TMPRSS4: variants seen among roughly 807,000 people sequenced by gnomAD.
The protein encoded by TMPRSS4 is transmembrane protease serine 4.
TMPRSS4 carries 45 observed loss-of-function variants against 56.4 expected under a neutral mutation model. That is an observed-to-expected ratio of 0.80 (90% CI 0.63 to 1.02). TMPRSS4 has a LOEUF of 1.02. Ranked by LOEUF, TMPRSS4 falls within the 50% of genes least tolerant of loss-of-function variation. The pLI is 0.00. For synonymous variants in TMPRSS4, 205 were observed against 211.0 expected, an observed-to-expected ratio of 0.97 and a Z score of 0.25; for missense variants, 546 against 556.7, an observed-to-expected ratio of 0.98 and a Z score of 0.19.
chr11:118,079,504 T>G (rs1944964226), intron 1 of TMPRSS4, among the ~76,000 whole-genome samples: 1 of 152,216 alleles, frequency 6.6e-6, no homozygotes, highest in Admixed American at 6.5e-5. Context: ...TGTCCCATGC[T>G]AACTACTCCA....
At chr11:118,105,084 A>AACACAC (rs113661712) in intron 5 of TMPRSS4, among the ~76,000 whole-genome samples, 8 of 151,642 alleles carry the variant, frequency 5.3e-5, no homozygotes, top group African/African-American at 1.9e-4. Context: ...GCTGCCCTCC[A>AACACAC]ACACACACAC....
chr11:118,084,030 T>G (rs1022651321), intron 1 of TMPRSS4, among the ~76,000 whole-genome samples: 4 of 152,104 alleles, frequency 2.6e-5, no homozygotes, highest in Non-Finnish European at 5.9e-5. Flanking sequence ...AGAGCGAGAC[T>G]CCATCTCAAA....
intron 1 of TMPRSS4, among the ~76,000 whole-genome samples, chr11:118,083,286 C>A (rs1306265238): frequency 2.0e-5 from 3 of 152,244 alleles, no homozygotes; most frequent in Non-Finnish European, 2.9e-5. Flanking sequence ...GACGGCCACA[C>A]ACACTTGAAG....
intron 2 of TMPRSS4, among the ~76,000 whole-genome samples, chr11:118,096,695 A>C (rs772977212): frequency 2.6e-5 from 4 of 151,688 alleles, no homozygotes; most frequent in Non-Finnish European, 4.4e-5. Flanking sequence ...ATAAGGTAAA[A>C]GGATGGCTTG....
At chr11:118,085,044 A>G (rs10892208) in intron 1 of TMPRSS4, among the ~76,000 whole-genome samples, 53,414 of 151,932 alleles carry the variant, frequency 0.35, 9,895 homozygotes, top group South Asian at 0.52. Flanking sequence ...GGGGGCTTGC[A>G]AAGGTGCTGA....
rs116229795 is a variant in TMPRSS4, at chr11:118,101,280, T to A, written c.158-1821T>A. Among the ~76,000 whole-genome samples, 1,245 of 152,262 alleles carry A rather than the reference T, an allele frequency of 8.2e-3. 24 individuals carry two copies. The highest frequency in any genetic ancestry group is 0.028 in the African/African-American group (1,177 of 41,540). On this transcript the variant is annotated intron_variant, in intron 3 of 12. Transcript: ENST00000437212. ...TGTCAGGATTACGTGAGGAAATGTA[T>A]GGAAAGCTCCTGACACGGTGACAAG...
rs2135444030 is a variant in TMPRSS4, at chr11:118,111,833, A to G, written c.676A>G (p.Lys226Glu). The G allele has an allele frequency of 1.2e-6, 2 of 1,607,620 alleles. No homozygotes were observed. The highest frequency in any genetic ancestry group is 1.7e-6 in the Non-Finnish European group (2 of 1,177,352). The change falls in exon 8 of 13, where the codon AAA becomes GAA. Residue 226 changes from lysine (K) to glutamate (E), a missense_variant. By Grantham distance (56) the Lys-to-Glu change is moderately conservative (BLOSUM62 1). Transcript: ENST00000437212. Reference protein sequence around the residue: ...WPWQVSIQYDKQHVCGGSILD... With the variant: ...WPWQVSIQYDEQHVCGGSILD... ...TTGGCAGGTCAGCATCCAGTACGAC[A>G]AACAGCACGTCTGTGGAGGGAGCAT...
rs1195387578 is a variant in TMPRSS4, at chr11:118,121,580, A to C, written c.*3667A>C. 1 of 152,130 alleles carries C rather than the reference A, an allele frequency of 6.6e-6. No individual in the cohort carries two copies. The highest frequency in any genetic ancestry group is 1.5e-5 in the Non-Finnish European group (1 of 68,028). The allele number at this position is 152,130 out of a possible 1,614,324, so 9.4% of individuals were successfully genotyped here. ...CACTGTGTTGGCCAGGCCGGTCTCA[A>C]ACTCCCGACCTCAAGTGATCCCCCC... is the stretch of plus-strand genomic sequence containing the variant. On this transcript the variant is annotated 3_prime_UTR_variant, in exon 13 of 13. Transcript: ENST00000437212.
At chr11:118,100,437 A>T (rs1391613508) in intron 3 of TMPRSS4, among the ~76,000 whole-genome samples, 1 of 152,224 alleles carries the variant, frequency 6.6e-6, no homozygotes, top group African/African-American at 2.4e-5. Context: ...TCTGGTCCTC[A>T]TTCTACATGA....
intron 5 of TMPRSS4, chr11:118,107,532 C>T (rs11216765): frequency 0.094 from 34,826 of 369,094 alleles, 3,400 homozygotes; most frequent in East Asian, 0.37. Context: ...GATTCCCCAC[C>T]CAAGAAAGCA....
intron 1 of TMPRSS4, among the ~76,000 whole-genome samples, chr11:118,078,938 C>T (rs994383008): frequency 1.3e-5 from 2 of 152,128 alleles, no homozygotes; most frequent in African/African-American, 4.8e-5. Context: ...CATGAAGCCC[C>T]GCACAGATGT....
Position 118,077,191 on chromosome 11 carries a change from G to T in TMPRSS4, c.-112G>T. ...CCTCCTCCAGCCAGTGCTGACCAGG[G>T]ACTTCTGACCTGCTGGCCAGCCAGG... On this transcript the variant is annotated 5_prime_UTR_variant, in exon 1 of 13. Transcript: ENST00000437212. The T allele has an allele frequency of 7.1e-7, 1 of 1,406,762 alleles. No individual in the cohort carries two copies. Among genetic ancestry groups the T allele is most frequent in the East Asian group, 2.5e-5 (1 of 39,614 alleles). The allele number at this position is 1,406,762 out of a possible 1,614,324, so 87.1% of individuals were successfully genotyped here. A position where few individuals can be genotyped will look rare whatever the true frequency, so the allele number is the denominator to read the frequency against.
At chr11:118,099,172 C>A (rs1454399372) in intron 3 of TMPRSS4, 74 bp downstream of exon 3, 3 of 1,258,960 alleles carry the variant, frequency 2.4e-6, no homozygotes, top group Non-Finnish European at 3.4e-6. Flanking sequence ...CCGCACTCAC[C>A]CCTGAATAAG....
chr11:118,095,195 T>C (rs559546490), intron 2 of TMPRSS4: 2 of 249,880 alleles, frequency 8.0e-6, no homozygotes, highest in East Asian at 1.6e-4. Context: ...ATAACACTAA[T>C]TAAGACAGCT....
chr11:118,080,390 C>T (rs1945029076), intron 1 of TMPRSS4, among the ~76,000 whole-genome samples: 2 of 152,258 alleles, frequency 1.3e-5, no homozygotes, highest in East Asian at 1.9e-4. Context: ...GCAAAGACTC[C>T]GGCACTCCAG....
At chr11:118,078,878 C>T (rs949880195) in intron 1 of TMPRSS4, among the ~76,000 whole-genome samples, 4 of 152,166 alleles carry the variant, frequency 2.6e-5, no homozygotes, top group South Asian at 2.1e-4. Context: ...GCACATGCAC[C>T]GGGTTCGCAG....
At chr11:118,107,395 C>G (rs1947047450) in intron 5 of TMPRSS4, 1 of 163,432 alleles carries the variant, frequency 6.1e-6, no homozygotes, top group Non-Finnish European at 1.3e-5. Context: ...TAACCTGAGC[C>G]CCTATGCCTC....
In TMPRSS4 at chr11:118,121,138, C is replaced by T. The variant is rs965858819; in HGVS notation, c.*3225C>T. On this transcript the variant is annotated 3_prime_UTR_variant, in exon 13 of 13. Transcript: ENST00000437212. ...AACAATCAATCAGGGATTGTGAACC[C>T]TACAAAACTATCTTTCAAGAATAAA... 3 of 152,130 alleles carry T rather than the reference C, an allele frequency of 2.0e-5. No homozygotes were observed. Among genetic ancestry groups the T allele is most frequent in the Admixed American group, 6.5e-5 (1 of 15,272 alleles). 9.4% of individuals were successfully genotyped at this position (152,130 alleles called of 1,614,324 possible).
In TMPRSS4 at chr11:118,117,362, G is replaced by A. The variant is rs764806040; in HGVS notation, c.1210G>A (p.Val404Ile). The change falls in exon 12 of 13, where the codon GTT (valine) becomes ATT (isoleucine). Residue 404 changes from valine (V) to isoleucine (I), a missense_variant. Coordinates refer to ENST00000437212, the MANE Select transcript of TMPRSS4 (RefSeq NM_019894.4). ...TGACCAGTGGCATGTGGTGGGCATC[G>A]TTAGTTGGGGCTATGGCTGCGGGGG... is the stretch of plus-strand genomic sequence containing the variant. ...QSDQWHVVGI[V>I]SWGYGCGGPS... 136 of 1,614,024 alleles carry A rather than the reference G, an allele frequency of 8.4e-5. No individual in the cohort carries two copies. Among genetic ancestry groups the A allele is most frequent in the Non-Finnish European group, 1.1e-4 (124 of 1,179,996 alleles).
Sources: gnomAD v4.1 joint callset for allele counts (sites outside exome capture counted in the v4.1 genomes callset) on GRCh38, gnomAD v4.1.1 for gene constraint, MANE v1.5 for transcripts, NCBI Gene and HGNC (gene_info 2026-07-23, HGNC 2026-07-21) for gene names.